Variants in EDARADD observed in about 807,000 individuals in gnomAD.
EDARADD encodes ectodysplasin-A receptor-associated adapter protein.
Under a neutral mutation model 25.6 loss-of-function variants are expected in EDARADD, and 20 were observed. The observed-to-expected ratio is 0.78, with a 90% confidence interval of 0.55 to 1.14. The LOEUF is 1.14. Ranked by LOEUF, EDARADD falls within the 50% of genes most tolerant of loss-of-function variation. EDARADD has a pLI of 0.00. For missense variants in EDARADD, 225 were observed against 270.1 expected, an observed-to-expected ratio of 0.83 and a Z score of 1.17; for synonymous variants, 86 against 94.4, an observed-to-expected ratio of 0.91 and a Z score of 0.52.
At chr1:236,387,478 A>AG (rs1250397651) in intron 3 of EDARADD, among the ~76,000 whole-genome samples, 11 of 34,400 alleles carry the variant, frequency 3.2e-4, no homozygotes, top group African/African-American at 4.5e-4. Flanking sequence ...CTGCCTGGCC[A>AG]CCACCCCGTC....
At chr1:236,426,942 C>T (rs1558120554) in intron 3 of EDARADD, among the ~76,000 whole-genome samples, 1 of 152,046 alleles carries the variant, frequency 6.6e-6, no homozygotes, top group African/African-American at 2.4e-5. Flanking sequence ...AGTGCAATGG[C>T]GTGGTCTCAG....
At chr1:236,405,520 G>A (rs1472387574) in intron 1 of EDARADD, among the ~76,000 whole-genome samples, 1 of 152,182 alleles carries the variant, frequency 6.6e-6, no homozygotes, top group Non-Finnish European at 1.5e-5. Flanking sequence ...GAAAGCTTAC[G>A]TGACTTCTCC....
chr1:236,428,059 A>G (rs1657974915), intron 4 of EDARADD, among the ~76,000 whole-genome samples: 1 of 151,894 alleles, frequency 6.6e-6, no homozygotes, highest in Non-Finnish European at 1.5e-5. Context: ...AGTGGAGGGA[A>G]GGTCAGCAGA....
At chr1:236,467,173 C>T (rs1366953422) in intron 4 of EDARADD, among the ~76,000 whole-genome samples, 2 of 151,818 alleles carry the variant, frequency 1.3e-5, no homozygotes, top group Non-Finnish European at 2.9e-5. Context: ...CACTTTAGAG[C>T]TGAGCTAATC....
intron 5 of EDARADD, among the ~76,000 whole-genome samples, chr1:236,481,264 G>A (rs978464716): frequency 3.3e-5 from 5 of 152,136 alleles, no homozygotes; most frequent in African/African-American, 1.2e-4. Context: ...AAAGGGCAAG[G>A]GCTGAGGTGC....
At chr1:236,353,236 T>C (rs1666937880) in intron 3 of EDARADD, among the ~76,000 whole-genome samples, 1 of 152,136 alleles carries the variant, frequency 6.6e-6, no homozygotes, top group African/African-American at 2.4e-5. Flanking sequence ...CTGTGTGACC[T>C]TGGGCAAACT....
At chr1:236,478,359 A>ATGTGTGTGTGTGTG (rs35531700) in intron 5 of EDARADD, among the ~76,000 whole-genome samples, 95 of 144,804 alleles carry the variant, frequency 6.6e-4, no homozygotes, top group African/African-American at 2.4e-3. Flanking sequence ...CCATATATAT[A>ATGTGTGTGTGTGTG]TGTGTGTGTG....
chr1:236,405,795 T>C (rs369134608), intron 1 of EDARADD, among the ~76,000 whole-genome samples: 46 of 95,274 alleles, frequency 4.8e-4, no homozygotes, highest in Non-Finnish European at 9.2e-4. Flanking sequence ...CTTTCTTTTC[T>C]TTTTCTTTCT....
upstream of EDARADD, among the ~76,000 whole-genome samples, chr1:236,391,866 C>T (rs1444031147): frequency 6.6e-6 from 1 of 152,182 alleles, no homozygotes; most frequent in Non-Finnish European, 1.5e-5. Context: ...CAGCCTTGTG[C>T]CCATGAGTTA....
chr1:236,405,765 CTTT>C (rs1558112357), intron 1 of EDARADD, among the ~76,000 whole-genome samples: 11 of 65,152 alleles, frequency 1.7e-4, no homozygotes, highest in Non-Finnish European at 2.7e-4. Flanking sequence ...TTCTTTCTTT[CTTT>C]CTTTCTTTCT....
At chr1:236,404,176 G>A (rs1203277178) in intron 1 of EDARADD, among the ~76,000 whole-genome samples, 3 of 152,240 alleles carry the variant, frequency 2.0e-5, no homozygotes, top group Admixed American at 2.0e-4. Context: ...TGAAGGCTCA[G>A]CCTGCTGTTA....
intron 4 of EDARADD, among the ~76,000 whole-genome samples, chr1:236,455,737 A>T (rs1658840518): frequency 6.6e-6 from 1 of 152,376 alleles, no homozygotes; most frequent in South Asian, 2.1e-4. Context: ...CTGTCTGGAC[A>T]TTAAAAGAAG....
At chr1:236,428,884 G>C (rs1335743435) in intron 4 of EDARADD, among the ~76,000 whole-genome samples, 1 of 152,044 alleles carries the variant, frequency 6.6e-6, no homozygotes, top group African/African-American at 2.4e-5. Flanking sequence ...CTGCAATCCC[G>C]GCGCCTCGGG....
chr1:236,449,655 T>A (rs574301499), intron 4 of EDARADD, among the ~76,000 whole-genome samples: 1 of 152,334 alleles, frequency 6.6e-6, no homozygotes, highest in South Asian at 2.1e-4. Flanking sequence ...CTACTTCCCA[T>A]CCGGGATATG....
At chr1:236,426,525 T>C (rs1005302385) in intron 3 of EDARADD, among the ~76,000 whole-genome samples, 2 of 152,016 alleles carry the variant, frequency 1.3e-5, no homozygotes, top group Non-Finnish European at 2.9e-5. Context: ...ATCAAAAGGG[T>C]AGGCTGCCTT....
At chr1:236,413,245 G>A (rs946936595) in intron 2 of EDARADD, among the ~76,000 whole-genome samples, 3 of 152,204 alleles carry the variant, frequency 2.0e-5, no homozygotes, top group Non-Finnish European at 4.4e-5. Context: ...GAACTAATTT[G>A]ATCTGGGGTA....
chr1:236,434,264 A>G (rs1417402045), intron 4 of EDARADD, among the ~76,000 whole-genome samples: 1 of 151,848 alleles, frequency 6.6e-6, no homozygotes, highest in Non-Finnish European at 1.5e-5. Flanking sequence ...TTGAGATGGA[A>G]TCTTGCTCTG....
At position 236,480,096 on chromosome 1, in the gene EDARADD, CATATATATATATATATATATAT is replaced by C. The variant is rs72215388; in HGVS notation, c.266-2152_266-2131del. Reference sequence around the variant, plus strand: ...ATCTCAGTGTGCCTTTTAAGTATGCCATATATATATATATATATATATATATATATATATATATATCACATTT... The same window carrying C: ...ATCTCAGTGTGCCTTTTAAGTATGCCATATATATATATATATATCACATTT... On this transcript the variant is annotated intron_variant, in intron 5 of 5. Transcript: ENST00000334232. Among the ~76,000 whole-genome samples the C allele has an allele frequency of 1.8e-3, 140 of 77,844 alleles. 1 individual carries two copies. Among genetic ancestry groups the C allele is most frequent in the Admixed American group, 5.8e-3 (42 of 7,180 alleles). The allele number at this position is 77,844 out of a possible 152,430, so 51.1% of individuals were successfully genotyped here.
chr1:236,404,355 C>G (rs1667670307), intron 1 of EDARADD, among the ~76,000 whole-genome samples: 1 of 152,206 alleles, frequency 6.6e-6, no homozygotes, highest in African/African-American at 2.4e-5. Flanking sequence ...CTCCAAATAA[C>G]TTCCCTGGTA....
Sources: gnomAD v4.1 joint callset for allele counts (sites outside exome capture counted in the v4.1 genomes callset) on GRCh38, gnomAD v4.1.1 for gene constraint, MANE v1.5 for transcripts, NCBI Gene and HGNC (gene_info 2026-07-23, HGNC 2026-07-21) for gene names.